Variants in ZNF76 observed in about 807,000 individuals in gnomAD.
ZNF76 encodes zinc finger protein 523.
ZNF76 carries 66 observed loss-of-function variants against 66.9 expected under a neutral mutation model. The ratio of observed to expected loss-of-function variants is 0.99; its 90% CI spans 0.81 to 1.21. ZNF76 has a LOEUF of 1.21. Ranked by LOEUF, ZNF76 falls within the 50% of genes most tolerant of loss-of-function variation. The pLI is 0.00. For missense variants in ZNF76, 729 were observed against 760.3 expected, an observed-to-expected ratio of 0.96 and a Z score of 0.48; for synonymous variants, 275 against 296.1, an observed-to-expected ratio of 0.93 and a Z score of 0.73.
chr6:35,267,054 C>T (rs572717938), intron 1 of ZNF76, among the ~76,000 whole-genome samples: 296 of 152,070 alleles, frequency 1.9e-3, no homozygotes, highest in African/African-American at 6.8e-3. Flanking sequence ...CCGCCTTGGC[C>T]TCCCAAAGTG....
intron 1 of ZNF76, among the ~76,000 whole-genome samples, chr6:35,272,729 C>T (rs1244374760): frequency 6.6e-6 from 1 of 152,218 alleles, no homozygotes; most frequent in African/African-American, 2.4e-5. Context: ...GCCTCAACTT[C>T]CTGGGCTTGA....
chr6:35,266,737 C>T (rs1032334799), intron 1 of ZNF76, among the ~76,000 whole-genome samples: 3 of 151,560 alleles, frequency 2.0e-5, no homozygotes, highest in South Asian at 4.2e-4. Context: ...CCTCTGGCAA[C>T]GCAGGCCTCT....
chr6:35,268,245 A>G (rs903385982), intron 1 of ZNF76, among the ~76,000 whole-genome samples: 1 of 152,216 alleles, frequency 6.6e-6, no homozygotes, highest in Non-Finnish European at 1.5e-5. Flanking sequence ...TAAGGAAAAC[A>G]CACTCCGTGG....
At chr6:35,288,489 C>A (rs1372095761) in intron 5 of ZNF76, among the ~76,000 whole-genome samples, 1 of 152,196 alleles carries the variant, frequency 6.6e-6, no homozygotes, top group Non-Finnish European at 1.5e-5. Context: ...GCTTTCCAAA[C>A]CAGGGTGTTC....
intron 2 of ZNF76, among the ~76,000 whole-genome samples, chr6:35,281,904 C>T (rs889415173): frequency 2.7e-5 from 4 of 150,120 alleles, no homozygotes; most frequent in Non-Finnish European, 5.9e-5. Flanking sequence ...CCACTGCACA[C>T]CAGCCTGGGT....
Position 35,292,956 on chromosome 6 carries a change from GA to G in ZNF76, c.1242del (p.Asp415MetfsTer10), listed in dbSNP as rs759396691. On this transcript the variant is annotated frameshift_variant, in exon 11 of 14. Transcript: ENST00000373953. LOFTEE classifies it high-confidence loss of function. The surrounding 1 kb of genome is among the most constrained non-coding windows in gnomAD (Gnocchi z 4.7). ...IAYLSEVKEERDDIPAQVAMV... is the reference protein window; with the variant it reads ...IAYLSEVKEEXDDIPAQVAMV... ...TACCTTTCGGAGGTGAAGGAAGAGA[GA>G]GATGACATCCCAGCCCAGGTGGCGA... 1.9e-6 allele frequency: 3 copies of G among 1,614,236 alleles called. No individual in the cohort carries two copies. Among genetic ancestry groups the G allele is most frequent in the South Asian group, 2.2e-5 (2 of 91,084 alleles).
At position 35,295,608 on chromosome 6, in the gene ZNF76, C is replaced by T. The variant is rs1791079644; in HGVS notation, c.*360C>T. 3.0e-6 allele frequency: 1 copy of T among 336,460 alleles called. No homozygotes were observed. Among genetic ancestry groups the T allele is most frequent in the African/African-American group, 2.1e-5 (1 of 46,752 alleles). 20.8% of individuals were successfully genotyped at this position (336,460 alleles called of 1,614,324 possible). A position where few individuals can be genotyped will look rare whatever the true frequency, so the allele number is the denominator to read the frequency against. The stretch of plus-strand genomic sequence containing the variant: ...ATTGGGGCTGCTATGGGGACTGGCC[C>T]TGTAGGGTTGAGCCACAGACAGCTC... On this transcript the variant is annotated 3_prime_UTR_variant, in exon 14 of 14. Coordinates refer to ENST00000373953, the MANE Select transcript of ZNF76 (RefSeq NM_003427.5).
intron 11 of ZNF76, 105 bp downstream of exon 11, chr6:35,293,149 T>C (rs1428847827): frequency 1.8e-5 from 25 of 1,394,270 alleles, no homozygotes; most frequent in Non-Finnish European, 2.3e-5. Context: ...CCACCCAGCT[T>C]CTTGTTTAAG....
At chr6:35,282,869 G>A (rs1489180639) in intron 2 of ZNF76, among the ~76,000 whole-genome samples, 1 of 152,160 alleles carries the variant, frequency 6.6e-6, no homozygotes, top group Non-Finnish European at 1.5e-5. Flanking sequence ...AAGGTTTCTT[G>A]TCAAGAGCTG....
chr6:35,290,848 G>A, intron 7 of ZNF76, 132 bp downstream of exon 7: 1 of 860,064 alleles, frequency 1.2e-6, no homozygotes, highest in Non-Finnish European at 1.9e-6. Flanking sequence ...GACTTGCAGG[G>A]TGCTCTCTCT....
chr6:35,294,943 A>G, intron 13 of ZNF76: 2 of 591,758 alleles, frequency 3.4e-6, no homozygotes, highest in Admixed American at 6.0e-5. Context: ...TGGCTATTCC[A>G]GGGCCCCCTG....
chr6:35,290,195 C>T (rs1790157688), intron 5 of ZNF76, 71 bp from the exon 6 acceptor site: 2 of 1,586,610 alleles, frequency 1.3e-6, no homozygotes, highest in African/African-American at 1.3e-5. Flanking sequence ...CTTAAGCTGC[C>T]AGCAGGGCCC....
intron 2 of ZNF76, among the ~76,000 whole-genome samples, chr6:35,283,776 T>G (rs557811323): frequency 2.7e-4 from 41 of 152,334 alleles, no homozygotes; most frequent in Non-Finnish European, 5.1e-4. Context: ...ACAGATAAAT[T>G]GTTAAAATGA....
intron 11 of ZNF76, among the ~76,000 whole-genome samples, chr6:35,293,319 A>G (rs1790707010): frequency 6.6e-6 from 1 of 152,194 alleles, no homozygotes; most frequent in East Asian, 1.9e-4. Flanking sequence ...TGAACAGGAT[A>G]TGGGATGTCC....
upstream of ZNF76, chr6:35,259,639 G>C (rs1784877551): frequency 6.6e-6 from 1 of 152,390 alleles, no homozygotes; most frequent in Non-Finnish European, 1.5e-5. Context: ...ACCGTGCCCG[G>C]TATTTTCTAT....
rs115047502 is a variant in ZNF76 at position 35,282,877 on chromosome 6, C to T, written c.73+1653C>T. Among the ~76,000 whole-genome samples, 944 of 152,292 alleles carry T rather than the reference C, an allele frequency of 6.2e-3. 10 individuals carry two copies. The highest frequency in any genetic ancestry group is 0.022 in the African/African-American group (901 of 41,562). The stretch of plus-strand genomic sequence containing the variant: ...TTCTGGAAAGGTTTCTTGTCAAGAG[C>T]TGTCTGTGACATGTGGGTTCTTGTT... On this transcript the variant is annotated intron_variant, in intron 2 of 13. Coordinates refer to ENST00000373953, the MANE Select transcript of ZNF76 (RefSeq NM_003427.5).
chr6:35,294,693 A>G, intron 13 of ZNF76, 124 bp downstream of exon 13: 1 of 746,544 alleles, frequency 1.3e-6, no homozygotes, highest in Non-Finnish European at 2.4e-6. Context: ...ATTTCAGAGG[A>G]CAGATCCCTT....
chr6:35,268,625 C>G (rs1340710652), intron 1 of ZNF76, among the ~76,000 whole-genome samples: 1 of 152,044 alleles, frequency 6.6e-6, no homozygotes, highest in Admixed American at 6.6e-5. Context: ...CATGGTGAAA[C>G]CCCATCTCTA....
rs780031503 is a variant in ZNF76 at position 35,292,520 on chromosome 6, A to G, written c.932-34A>G. Reference sequence around the variant, plus strand: ...CCTTAGTTTCCCCCTTGCCAGCCCCAGTTCCCACCCCCCTCACAGCCCAGT... The same window carrying G: ...CCTTAGTTTCCCCCTTGCCAGCCCCGGTTCCCACCCCCCTCACAGCCCAGT... On this transcript the variant is annotated intron_variant, in intron 9 of 13. Transcript: ENST00000373953. This position sits in a 1 kb window ranked among gnomAD's most constrained non-coding sequence, Gnocchi z 4.7. The G allele has an allele frequency of 6.4e-7, 1 of 1,571,264 alleles. No individual in the cohort carries two copies. The highest frequency in any genetic ancestry group is 1.7e-5 in the Admixed American group (1 of 58,146).
Sources: gnomAD v4.1 joint callset for allele counts (sites outside exome capture counted in the v4.1 genomes callset) on GRCh38, gnomAD v4.1.1 for gene constraint, Gnocchi (gnomAD v3.1) non-coding constraint, MANE v1.5 for transcripts, NCBI Gene and HGNC (gene_info 2026-07-23, HGNC 2026-07-21) for gene names.